LIPC: variants seen among roughly 807,000 people sequenced by gnomAD.
The protein encoded by LIPC is hepatic triacylglycerol lipase.
In LIPC, 44 loss-of-function variants were observed where a neutral mutation model predicts 50.7. The ratio of observed to expected loss-of-function variants is 0.87; its 90% CI spans 0.68 to 1.11. The LOEUF (loss-of-function observed/expected upper bound fraction) is 1.11, where lower values mean the gene tolerates loss of function less well. Ranked by LOEUF, LIPC falls within the 50% of genes most tolerant of loss-of-function variation. The probability of loss-of-function intolerance (pLI) is 0.00; values close to 1 mark genes in which losing one functional copy is unlikely to be tolerated. For synonymous variants in LIPC, 271 were observed against 256.4 expected (o/e 1.06, Z -0.54); for missense variants, 697 against 648.2 (o/e 1.08, Z -0.82).
At chr15:58,441,909 C>A (rs1409649665) in intron 1 of LIPC, among the ~76,000 whole-genome samples, 1 of 152,180 alleles carries the variant, frequency 6.6e-6, no homozygotes. Flanking sequence ...GATGCAAACA[C>A]AGATGTGGAG....
chr15:58,464,341 A>C (rs1478841054), intron 1 of LIPC, among the ~76,000 whole-genome samples: 2 of 152,210 alleles, frequency 1.3e-5, no homozygotes, highest in Non-Finnish European at 2.9e-5. Flanking sequence ...GGCTCCAAAG[A>C]GCCTAACTCC....
intron 1 of LIPC, among the ~76,000 whole-genome samples, chr15:58,442,075 A>G (rs1267502251): frequency 6.6e-6 from 1 of 152,124 alleles, no homozygotes; most frequent in African/African-American, 2.4e-5. Flanking sequence ...GAGGTCTCTT[A>G]ATACCTATGC....
At position 58,538,442 on chromosome 15, in the gene LIPC, C is replaced by T. The variant is rs1351671396; in HGVS notation, c.198C>T (p.Ile66=). 1 of 1,614,212 alleles carries T rather than the reference C, an allele frequency of 6.2e-7. No homozygotes were observed. Among genetic ancestry groups the T allele is most frequent in the Non-Finnish European group, 8.5e-7 (1 of 1,180,028 alleles). Residue 66 remains isoleucine, a synonymous_variant, in exon 2 of 9, where the codon ATC becomes ATT. Coordinates refer to ENST00000299022, the MANE Select transcript of LIPC (RefSeq NM_000236.3). ...CCAATCAGGGCTGTCAGATTCGAATCAATCATCCGGACACGTTACAGGAGT... is the reference window on the plus strand; with the variant it reads ...CCAATCAGGGCTGTCAGATTCGAATTAATCATCCGGACACGTTACAGGAGT... The part of the protein sequence containing the change: ...GETNQGCQIR[I]NHPDTLQECG...
At chr15:58,502,995 C>T (rs1892036792) in intron 1 of LIPC, among the ~76,000 whole-genome samples, 2 of 149,410 alleles carry the variant, frequency 1.3e-5, no homozygotes, top group African/African-American at 4.9e-5. Context: ...ACACTTCTAT[C>T]AGATGTGCCA....
In LIPC at chr15:58,561,357, G is replaced by T. The variant is rs1245030478; in HGVS notation, c.1169+376G>T. 2.6e-5 allele frequency among the ~76,000 whole-genome samples: 4 copies of T among 152,192 alleles called. No individual in the cohort carries two copies. In the East Asian group the frequency reaches 7.7e-4, roughly 29 times the overall value. On this transcript the variant is annotated intron_variant, in intron 7 of 8. Transcript: ENST00000299022. Reference sequence around the variant, plus strand: ...GCAGGGGAGCTTCCAAGTCATGGGTGCATTCAAAGATTTTCTGATTGGCAT... The same window carrying T: ...GCAGGGGAGCTTCCAAGTCATGGGTTCATTCAAAGATTTTCTGATTGGCAT...
intron 6 of LIPC, among the ~76,000 whole-genome samples, chr15:58,553,240 T>G (rs1484301462): frequency 6.6e-6 from 1 of 152,110 alleles, no homozygotes; most frequent in African/African-American, 2.4e-5. Context: ...ACAACAGTCC[T>G]GGCCGCACAC....
intron 6 of LIPC, among the ~76,000 whole-genome samples, chr15:58,559,697 T>A: frequency 1.7e-5 from 1 of 59,996 alleles, no homozygotes; most frequent in Non-Finnish European, 3.5e-5. Flanking sequence ...AGAGAGACCC[T>A]GTCTCAAAAA....
Position 58,468,947 on chromosome 15 carries a change from C to T in LIPC, c.88+36827C>T, listed in dbSNP as rs139928294. ...GCCCACTTGTTTGCACAGCTACTAA[C>T]GTTTATGAAGTATTTGCTTAATGTA... is the stretch of plus-strand genomic sequence containing the variant. On this transcript the variant is annotated intron_variant, in intron 1 of 8. Coordinates refer to ENST00000299022, the MANE Select transcript of LIPC (RefSeq NM_000236.3). Among the ~76,000 whole-genome samples, 6 of 152,306 alleles carry T rather than the reference C, an allele frequency of 3.9e-5. No homozygotes were observed. The South Asian group carries it at 8.3e-4, about 21-fold the overall frequency.
chr15:58,542,372 G>C (rs569559609), intron 3 of LIPC, among the ~76,000 whole-genome samples, 162 bp from the exon 4 acceptor site: 4 of 152,190 alleles, frequency 2.6e-5, no homozygotes, highest in Non-Finnish European at 5.9e-5. Context: ...AGTCCCAGGA[G>C]AGTCAGCCAG....
At chr15:58,509,844 A>G in intron 1 of LIPC, among the ~76,000 whole-genome samples, 1 of 152,210 alleles carries the variant, frequency 6.6e-6, no homozygotes, top group East Asian at 1.9e-4. Context: ...GAATGCTGTC[A>G]ATGGATATCT....
chr15:58,480,226 G>C (rs1468137969), intron 1 of LIPC, among the ~76,000 whole-genome samples: 1 of 152,160 alleles, frequency 6.6e-6, no homozygotes, highest in East Asian at 1.9e-4. Flanking sequence ...CCAACTAGAA[G>C]TGATCTATCT....
At chr15:58,442,232 C>T (rs1391837626) in intron 1 of LIPC, among the ~76,000 whole-genome samples, 1 of 152,124 alleles carries the variant, frequency 6.6e-6, no homozygotes, top group Non-Finnish European at 1.5e-5. Context: ...GCAGTGGTGA[C>T]CTTCCCTGGT....
At chr15:58,488,619 A>T (rs1891459999) in intron 1 of LIPC, among the ~76,000 whole-genome samples, 1 of 152,224 alleles carries the variant, frequency 6.6e-6, no homozygotes, top group Non-Finnish European at 1.5e-5. Flanking sequence ...CATTTTCTGA[A>T]AAGTGTCCGA....
intron 1 of LIPC, among the ~76,000 whole-genome samples, chr15:58,531,343 G>A (rs1227908189): frequency 2.6e-5 from 4 of 152,078 alleles, no homozygotes; most frequent in African/African-American, 9.7e-5. Flanking sequence ...CTATGACCTC[G>A]GAAGGACTTT....
intron 4 of LIPC, among the ~76,000 whole-genome samples, chr15:58,544,120 C>T (rs1355062877): frequency 1.3e-5 from 2 of 152,138 alleles, no homozygotes; most frequent in Admixed American, 6.5e-5. Flanking sequence ...GGCGTGTGGC[C>T]CCCATGGATT....
intron 8 of LIPC, among the ~76,000 whole-genome samples, chr15:58,564,883 C>T (rs918912630): frequency 9.2e-5 from 14 of 152,138 alleles, no homozygotes; most frequent in African/African-American, 2.7e-4. Flanking sequence ...CAGGCATCCC[C>T]GGGCCCTCTC....
At chr15:58,505,396 A>G (rs1892113743) in intron 1 of LIPC, among the ~76,000 whole-genome samples, 9 of 152,214 alleles carry the variant, frequency 5.9e-5, no homozygotes, top group Admixed American at 5.9e-4. Context: ...GGTTGTTGTG[A>G]GGATCAAATG....
intron 1 of LIPC, among the ~76,000 whole-genome samples, chr15:58,463,933 C>G (rs1332565530): frequency 2.6e-5 from 4 of 152,098 alleles, no homozygotes; most frequent in African/African-American, 7.2e-5. Context: ...AGCAAAAAGC[C>G]TTTTAACAGA....
Position 58,563,506 on chromosome 15 carries a change from G to C in LIPC, c.1171G>C (p.Gly391Arg). 5 of 1,612,710 alleles carry C rather than the reference G, an allele frequency of 3.1e-6. No individual in the cohort carries two copies. Among genetic ancestry groups the C allele is most frequent in the Non-Finnish European group, 4.2e-6 (5 of 1,178,906 alleles). The change falls in exon 8 of 9, where the codon GGC (glycine) becomes CGC (arginine). Residue 391 changes from glycine to arginine, a missense_variant and splice_region_variant. Gly to Arg is a moderately radical substitution (Grantham distance 125). Coordinates refer to ENST00000299022, the MANE Select transcript of LIPC (RefSeq NM_000236.3). ...EKMQKIPITL[G>R]KGIASNKTYS... ...TCTGATTTTCTTTGTGTATTCAAGG[G>C]GCAAAGGAATTGCTAGTAATAAAAC...
Sources: gnomAD v4.1 joint callset for allele counts (sites outside exome capture counted in the v4.1 genomes callset) on GRCh38, gnomAD v4.1.1 for gene constraint, MANE v1.5 for transcripts, NCBI Gene and HGNC (gene_info 2026-07-23, HGNC 2026-07-21) for gene names.